Variants in CBX3 observed in about 807,000 individuals in gnomAD.
CBX3 encodes chromobox 3, also known as chromobox protein homolog 3.
CBX3 carries 5 observed loss-of-function variants against 22.6 expected under a neutral mutation model. The ratio of observed to expected loss-of-function variants is 0.22; its 90% CI spans 0.12 to 0.47. CBX3 has a LOEUF of 0.47. CBX3 is among the 20% of genes least tolerant of loss of function. The pLI is 0.99. For missense variants in CBX3, 83 were observed against 208.1 expected (o/e 0.40, Z 3.70); for synonymous variants, 50 against 66.6 (o/e 0.75, Z 1.21).
In CBX3 at chr7:26,212,568, T is replaced by G. The variant is rs1424873952; in HGVS notation, c.*360T>G. The G allele has an allele frequency of 6.7e-6, 1 of 149,046 alleles. No homozygotes were observed. The highest frequency in any genetic ancestry group is 1.5e-5 in the Non-Finnish European group (1 of 67,954). The allele number at this position is 149,046 out of a possible 1,614,324, so 9.2% of individuals were successfully genotyped here. A position where few individuals can be genotyped will look rare whatever the true frequency, so the allele number is the denominator to read the frequency against. On this transcript the variant is annotated 3_prime_UTR_variant, in exon 6 of 6. Transcript: ENST00000396386. ...CATGAGCCTAAGGACCATTCTAGAT[T>G]TATTACGTGTTTTTTGTGTGTGTGT...
Position 26,208,603 on chromosome 7 carries a change from A to G in CBX3, c.330+48A>G, listed in dbSNP as rs766908720. ...CAGCTTGTCCTTTTGTAAAAGGTTG[A>G]TGGCTTGATTTCTTTTTTGTTTGTT... is the stretch of plus-strand genomic sequence containing the variant. On this transcript the variant is annotated intron_variant, in intron 4 of 5. Transcript: ENST00000396386. The G allele has an allele frequency of 2.7e-6, 4 of 1,508,184 alleles. No homozygotes were observed. The East Asian group carries it at 6.8e-5, about 26-fold the overall frequency. 93.4% of individuals were successfully genotyped at this position (1,508,184 alleles called of 1,614,324 possible). A position where few individuals can be genotyped will look rare whatever the true frequency, so the allele number is the denominator to read the frequency against.
At chr7:26,205,823 C>T (rs942792518) in intron 2 of CBX3, among the ~76,000 whole-genome samples, 2 of 152,182 alleles carry the variant, frequency 1.3e-5, no homozygotes, top group African/African-American at 2.4e-5. Context: ...CAGTGGCTCA[C>T]GCCTGTAATG....
In CBX3 at chr7:26,206,142, TTG is replaced by T. The variant is rs1584036825; in HGVS notation, c.25-224_25-223del. Reference sequence around the variant, plus strand: ...ACTGTTTCCAGATAGTGTTTTTTTATTGTATTATTTTGGTGGTGGGTTGTAAG... The same window carrying T: ...ACTGTTTCCAGATAGTGTTTTTTTATTATTATTTTGGTGGTGGGTTGTAAG... On this transcript the variant is annotated intron_variant, in intron 2 of 5. Transcript: ENST00000396386. The T allele has an allele frequency of 7.1e-6, 3 of 423,714 alleles. No individual in the cohort carries two copies. In the East Asian group the frequency reaches 1.3e-4, roughly 18 times the overall value. The allele number at this position is 423,714 out of a possible 1,614,324, so 26.2% of individuals were successfully genotyped here.
rs759188575 is a variant in CBX3, at chr7:26,208,376, T to A, written c.168-17T>A. ...TTAATTCAATCACCTTTTTTTTTTT[T>A]AATAAACTAAACACAGTGCTGACAA... On this transcript the variant is annotated splice_polypyrimidine_tract_variant and intron_variant, in intron 3 of 5. Coordinates refer to ENST00000396386, the MANE Select transcript of CBX3 (RefSeq NM_016587.4). 1.2e-4 allele frequency: 187 copies of A among 1,535,114 alleles called. No homozygotes were observed. Among genetic ancestry groups the A allele is most frequent in the Non-Finnish European group, 1.4e-4 (164 of 1,134,318 alleles).
At position 26,212,251 on chromosome 7, in the gene CBX3, A is replaced by T. The variant is rs145395285; in HGVS notation, c.*43A>T. The T allele has an allele frequency of 2.6e-3, 2,861 of 1,103,132 alleles. No individual in the cohort carries two copies. The highest frequency in any genetic ancestry group is 0.014 in the African/African-American group (835 of 60,522). 68.3% of individuals were successfully genotyped at this position (1,103,132 alleles called of 1,614,324 possible). On this transcript the variant is annotated 3_prime_UTR_variant, in exon 6 of 6. Transcript: ENST00000396386. ...TTATATATATTTATATATATATATAAAAATTGGGTCTTAGATTTTGATTTA... is the reference window on the plus strand; with the variant it reads ...TTATATATATTTATATATATATATATAAATTGGGTCTTAGATTTTGATTTA...
chr7:26,208,100 G>A (rs1042335946), intron 3 of CBX3: 2 of 209,182 alleles, frequency 9.6e-6, no homozygotes, highest in Non-Finnish European at 9.6e-6. Context: ...GGTGGTGCAT[G>A]CCTGTAGTCC....
chr7:26,203,519 A>G (rs1370074580), intron 2 of CBX3, among the ~76,000 whole-genome samples: 1 of 152,232 alleles, frequency 6.6e-6, no homozygotes, highest in Non-Finnish European at 1.5e-5. Context: ...AACATAGAAG[A>G]ATATTAAGTT....
intron 2 of CBX3, among the ~76,000 whole-genome samples, chr7:26,204,425 A>C (rs1448269115): frequency 1.3e-5 from 2 of 152,160 alleles, no homozygotes; most frequent in Non-Finnish European, 2.9e-5. Context: ...TGTACTGTAC[A>C]GTGGCAGAAA....
In CBX3 at chr7:26,211,767, AG is replaced by A; in HGVS notation, c.425+12del. 6.5e-7 allele frequency: 1 copy of A among 1,548,676 alleles called. No individual in the cohort carries two copies. Among genetic ancestry groups the A allele is most frequent in the Admixed American group, 1.9e-5 (1 of 52,316 alleles). ...GTTTCTCATGAAATGGTGAGTATGC[AG>A]AGATTGTTACATTTGAAAGTAAGAG... On this transcript the variant is annotated intron_variant, in intron 5 of 5. Coordinates refer to ENST00000396386, the MANE Select transcript of CBX3 (RefSeq NM_016587.4).
chr7:26,212,047 G>A (rs750238315), intron 5 of CBX3, 35 bp from the exon 6 acceptor site: 3 of 1,475,298 alleles, frequency 2.0e-6, no homozygotes, highest in Admixed American at 2.5e-5. Context: ...GAACAACTTC[G>A]ACTTGTAACT....
rs1276969942 is a variant in CBX3 at position 26,213,382 on chromosome 7, T to TA, written c.*1175dup. ...TTATTAGACTTTTTTCTTTATTTGA[T>TA]ATGCCTTTACAGTAGAAATAGAAAT... is the stretch of plus-strand genomic sequence containing the variant. On this transcript the variant is annotated 3_prime_UTR_variant, in exon 6 of 6. Coordinates refer to ENST00000396386, the MANE Select transcript of CBX3 (RefSeq NM_016587.4). 1.3e-5 allele frequency: 2 copies of TA among 152,338 alleles called. No homozygotes were observed. The highest frequency in any genetic ancestry group is 6.5e-5 in the Admixed American group (1 of 15,270). The allele number at this position is 152,338 out of a possible 1,614,324, so 9.4% of individuals were successfully genotyped here.
chr7:26,206,294 A>T (rs1316119894), intron 2 of CBX3, 74 bp from the exon 3 acceptor site: 24 of 920,534 alleles, frequency 2.6e-5, no homozygotes, highest in Non-Finnish European at 3.9e-5. Flanking sequence ...ATAATAATAT[A>T]AGCAATTGAG....
intron 4 of CBX3, among the ~76,000 whole-genome samples, chr7:26,211,106 A>G (rs573879052): frequency 3.3e-5 from 5 of 152,172 alleles, no homozygotes; most frequent in African/African-American, 4.8e-5. Flanking sequence ...AAATCGCAAG[A>G]AAGTTTCAAT....
chr7:26,202,686 T>C, intron 1 of CBX3: 1 of 375,496 alleles, frequency 2.7e-6, no homozygotes, highest in Non-Finnish European at 4.8e-6. Context: ...GACTTTATTA[T>C]AAATGGGACT....
At chr7:26,211,504 C>T (rs1003766763) in intron 4 of CBX3, among the ~76,000 whole-genome samples, 158 bp from the exon 5 acceptor site, 2 of 152,036 alleles carry the variant, frequency 1.3e-5, no homozygotes, top group Non-Finnish European at 2.9e-5. Flanking sequence ...GGTTTTTCTG[C>T]TTGTAAAGTT....
chr7:26,212,591 TGTG>T lies in CBX3; in HGVS notation c.*384_*386del, dbSNP rs1223052298. 2.3e-5 allele frequency: 2 copies of T among 87,212 alleles called. No homozygotes were observed. Among genetic ancestry groups the T allele is most frequent in the East Asian group, 3.5e-3 (2 of 570 alleles). The allele number at this position is 87,212 out of a possible 1,614,324, so 5.4% of individuals were successfully genotyped here. ...ATTTATTACGTGTTTTTTGTGTGTG[TGTG>T]TGTGTGTGTGTGTGTGTGTATCCAT... On this transcript the variant is annotated 3_prime_UTR_variant, in exon 6 of 6. Coordinates refer to ENST00000396386, the MANE Select transcript of CBX3 (RefSeq NM_016587.4).
intron 4 of CBX3, 34 bp from the exon 5 acceptor site, chr7:26,211,628 G>A (rs1249233998): frequency 6.7e-6 from 9 of 1,343,862 alleles, no homozygotes; most frequent in Non-Finnish European, 9.5e-6. Flanking sequence ...TTAATACTCT[G>A]AGTTTGCTGT....
Position 26,208,306 on chromosome 7 carries a change from C to T in CBX3, c.168-87C>T, listed in dbSNP as rs79898568. 2,412 of 1,093,514 alleles carry T rather than the reference C, an allele frequency of 2.2e-3. 45 individuals carry two copies. The East Asian group carries it at 0.041, about 19-fold the overall frequency. The allele number at this position is 1,093,514 out of a possible 1,614,324, so 67.7% of individuals were successfully genotyped here. A position where few individuals can be genotyped will look rare whatever the true frequency, so the allele number is the denominator to read the frequency against. ...CAGTACAGAGGACTTTTTATTCCCC[C>T]GGGTGTCTATTAAAATAGATCTGGA... On this transcript the variant is annotated intron_variant, in intron 3 of 5. Coordinates refer to ENST00000396386, the MANE Select transcript of CBX3 (RefSeq NM_016587.4).
At chr7:26,211,389 C>T (rs1465607320) in intron 4 of CBX3, among the ~76,000 whole-genome samples, 7 of 152,028 alleles carry the variant, frequency 4.6e-5, no homozygotes, top group Admixed American at 1.3e-4. Context: ...TTCTGTATGC[C>T]CACACAACTC....
Sources: allele counts gnomAD v4.1 joint callset (sites outside exome capture counted in the v4.1 genomes callset), GRCh38; gene constraint gnomAD v4.1.1; transcripts MANE v1.5; gene names NCBI Gene and HGNC (gene_info 2026-07-23, HGNC 2026-07-21).